The following FKTN variants were observed in gnomAD, a reference collection of about 807,000 sequenced individuals.
The protein encoded by FKTN is ribitol-5-phosphate transferase FKTN.
A neutral mutation model predicts 58.6 loss-of-function variants in FKTN; 47 were observed. The ratio of observed to expected loss-of-function variants is 0.80; its 90% CI spans 0.63 to 1.02. The LOEUF is 1.02. Ranked by LOEUF, FKTN falls within the 50% of genes least tolerant of loss-of-function variation. The pLI is 0.00. For missense variants in FKTN, 516 were observed against 537.3 expected (o/e 0.96, Z 0.39); for synonymous variants, 178 against 191.9 (o/e 0.93, Z 0.60).
rs767865405 is a variant in FKTN at position 105,601,306 on chromosome 9, C to CT, written c.330dup (p.Thr111TyrfsTer13). ...GCAAGTTTTTCTGTGTTCCAAGAGA[C>CT]TTTACTGCATTTGCACTGCAGTATC... is the stretch of plus-strand genomic sequence containing the variant. On this transcript the variant is annotated frameshift_variant, in exon 5 of 11. Coordinates refer to ENST00000357998, the MANE Select transcript of FKTN (RefSeq NM_001079802.2). LOFTEE classifies it high-confidence loss of function. 6.2e-7 allele frequency: 1 copy of CT among 1,611,944 alleles called. No individual in the cohort carries two copies. The highest frequency in any genetic ancestry group is 1.7e-5 in the Admixed American group (1 of 60,024).
At position 105,635,047 on chromosome 9, in the gene FKTN, G is replaced by A; in HGVS notation, c.1173-4G>A. 1 of 1,613,630 alleles carries A rather than the reference G, an allele frequency of 6.2e-7. No homozygotes were observed. The highest frequency in any genetic ancestry group is 8.5e-7 in the Non-Finnish European group (1 of 1,179,522). ...TGAAGCCTAATCCCTCTGTTTTGCT[G>A]CAGATACCTGTTTCCGAAGTTTACA... is the stretch of plus-strand genomic sequence containing the variant. On this transcript the variant is annotated splice_polypyrimidine_tract_variant and splice_region_variant and intron_variant, in intron 10 of 10. Transcript: ENST00000357998.
At position 105,601,151 on chromosome 9, in the gene FKTN, G is replaced by C; in HGVS notation, c.172G>C (p.Val58Leu). ...IGFDSTQWRA[V>L]KKFIMLTSNQ... ...TTCTTTTTCTCTCAAACAGCGTGCA[G>C]TTAAAAAATTTATTATGTTAACATC... The change falls in exon 5 of 11, where the codon GTT (valine) becomes CTT (leucine). Residue 58 changes from valine to leucine, a missense_variant. Val to Leu is a conservative substitution (Grantham distance 32). Transcript: ENST00000357998. 6.3e-7 allele frequency: 1 copy of C among 1,586,956 alleles called. No individual in the cohort carries two copies. Among genetic ancestry groups the C allele is most frequent in the Non-Finnish European group, 8.6e-7 (1 of 1,156,606 alleles).
At chr9:105,583,909 A>G (rs967878914) in intron 3 of FKTN, among the ~76,000 whole-genome samples, 1 of 152,196 alleles carries the variant, frequency 6.6e-6, no homozygotes, top group African/African-American at 2.4e-5. Context: ...AATTGTCCCA[A>G]TATCCCTTAT....
rs760470596 is a variant in FKTN, at chr9:105,635,096, C to T, written c.1218C>T (p.Asp406=). ...KFTLCWTEFV[D]MKVHVPCETL... is the part of the protein sequence containing the mutation. ...CACTGTGCTGGACTGAGTTTGTAGACATGAAGGTCCATGTACCCTGTGAAA... is the reference window on the plus strand; with the variant it reads ...CACTGTGCTGGACTGAGTTTGTAGATATGAAGGTCCATGTACCCTGTGAAA... The change falls in exon 11 of 11, where the codon GAC becomes GAT. Residue 406 remains aspartate, a synonymous_variant. Coordinates refer to ENST00000357998, the MANE Select transcript of FKTN (RefSeq NM_001079802.2). 25 of 1,613,966 alleles carry T rather than the reference C, an allele frequency of 1.5e-5. No individual in the cohort carries two copies. The highest frequency in any genetic ancestry group is 1.8e-5 in the Non-Finnish European group (21 of 1,179,968).
intron 1 of FKTN, among the ~76,000 whole-genome samples, chr9:105,560,697 G>A (rs1170065061): frequency 6.6e-6 from 1 of 152,114 alleles, no homozygotes; most frequent in Non-Finnish European, 1.5e-5. Context: ...TCTAAGCCCT[G>A]TGTTTGATTC....
intron 7 of FKTN, 112 bp downstream of exon 7, chr9:105,608,063 C>G (rs564570004): frequency 1.2e-6 from 1 of 853,228 alleles, no homozygotes; most frequent in African/African-American, 1.7e-5. Context: ...AGTAAACATC[C>G]TTTTTTGATA....
Position 105,637,769 on chromosome 9 carries a change from A to G in FKTN, c.*2505A>G, listed in dbSNP as rs367988702. The G allele has an allele frequency of 2.9e-5, 29 of 985,344 alleles. No homozygotes were observed. In the East Asian group the frequency reaches 1.2e-3, roughly 42 times the overall value. The allele number at this position is 985,344 out of a possible 1,614,324, so 61.0% of individuals were successfully genotyped here. On this transcript the variant is annotated 3_prime_UTR_variant, in exon 11 of 11. Transcript: ENST00000357998. ...ATCCTGAGAGGCAAGATTCCTCTTA[A>G]TTGATAACCAGGACAACCAGGTAGT...
intron 3 of FKTN, among the ~76,000 whole-genome samples, chr9:105,595,693 C>T (rs1826649080): frequency 1.3e-5 from 2 of 152,132 alleles, no homozygotes; most frequent in South Asian, 2.1e-4. Flanking sequence ...ATCCTAGGTG[C>T]TACTGGTTAT....
intron 3 of FKTN, among the ~76,000 whole-genome samples, chr9:105,577,833 C>A (rs890874320): frequency 6.7e-6 from 1 of 149,600 alleles, no homozygotes; most frequent in African/African-American, 2.5e-5. Flanking sequence ...TTTGTATCCT[C>A]TTTTATTTCC....
chr9:105,611,104 C>T (rs1045781099), intron 7 of FKTN, among the ~76,000 whole-genome samples: 4 of 151,000 alleles, frequency 2.6e-5, no homozygotes, highest in African/African-American at 9.9e-5. Flanking sequence ...AGATTTTGGG[C>T]AAATTTCTGA....
intron 10 of FKTN, 34 bp from the exon 11 acceptor site, chr9:105,635,017 A>G (rs751229716): frequency 6.3e-7 from 1 of 1,583,618 alleles, no homozygotes; most frequent in East Asian, 2.2e-5. Flanking sequence ...ACCTTCTTCC[A>G]CTGTTGAAGC....
intron 7 of FKTN, among the ~76,000 whole-genome samples, chr9:105,612,719 C>T (rs1347417166): frequency 1.3e-5 from 2 of 152,304 alleles, no homozygotes; most frequent in East Asian, 3.9e-4. Context: ...AATCCTAGCA[C>T]TTTGGGAGGC....
chr9:105,580,060 C>G (rs1167796138), intron 3 of FKTN, among the ~76,000 whole-genome samples: 1 of 151,804 alleles, frequency 6.6e-6, no homozygotes, highest in African/African-American at 2.4e-5. Context: ...CTATGTGTGT[C>G]TCTGCACGTG....
chr9:105,591,726 G>A (rs1844911203), intron 3 of FKTN, among the ~76,000 whole-genome samples: 1 of 152,204 alleles, frequency 6.6e-6, no homozygotes, highest in Non-Finnish European at 1.5e-5. Flanking sequence ...GTGCCCCAGT[G>A]GGGGCTCTCT....
intron 7 of FKTN, among the ~76,000 whole-genome samples, chr9:105,611,353 T>G (rs1335410752): frequency 6.6e-6 from 1 of 152,220 alleles, no homozygotes; most frequent in African/African-American, 2.4e-5. Context: ...TTTACTTATT[T>G]ATTTTATTTT....
chr9:105,564,616 T>G (rs550007598), intron 1 of FKTN, among the ~76,000 whole-genome samples: 1 of 152,134 alleles, frequency 6.6e-6, no homozygotes, highest in South Asian at 2.1e-4. Context: ...TAAACCGAAA[T>G]GAACAAAGCC....
intron 10 of FKTN, chr9:105,633,474 G>A (rs952234349): frequency 5.3e-5 from 8 of 152,226 alleles, no homozygotes; most frequent in Non-Finnish European, 1.0e-4. Flanking sequence ...GGATAAGACA[G>A]GTGGACATTC....
Position 105,612,468 on chromosome 9 carries a change from T to TGTCCTAAATGGTATTGCCTGG in FKTN, c.781-2807_781-2787dup, listed in dbSNP as rs534935339. Among the ~76,000 whole-genome samples, 23 of 150,022 alleles carry TGTCCTAAATGGTATTGCCTGG rather than the reference T, an allele frequency of 1.5e-4. No individual in the cohort carries two copies. The South Asian group carries it at 4.0e-3, about 26-fold the overall frequency. On this transcript the variant is annotated intron_variant, in intron 7 of 10. Transcript: ENST00000357998. ...TTCATGAAATTTTTGCCTGTGCCTGTGTCCTAAATGGTATTGCCTGGGTTA... is the reference window on the plus strand; with the variant it reads ...TTCATGAAATTTTTGCCTGTGCCTGTGTCCTAAATGGTATTGCCTGGGTCCTAAATGGTATTGCCTGGGTTA...
chr9:105,610,679 C>T (rs1829758059), intron 7 of FKTN, among the ~76,000 whole-genome samples: 1 of 151,854 alleles, frequency 6.6e-6, no homozygotes, highest in Non-Finnish European at 1.5e-5. Flanking sequence ...GAGAGGCTTT[C>T]CTCACCCTGC....
Sources: allele counts gnomAD v4.1 joint callset (sites outside exome capture counted in the v4.1 genomes callset), GRCh38; gene constraint gnomAD v4.1.1; transcripts MANE v1.5; gene names NCBI Gene and HGNC (gene_info 2026-07-23, HGNC 2026-07-21).